The following CENPU variants were observed in gnomAD, a reference collection of about 807,000 sequenced individuals.
CENPU encodes centromere protein U.
In CENPU, 46 loss-of-function variants were observed where a neutral mutation model predicts 56.7. The observed-to-expected ratio is 0.81, with a 90% CI of 0.64 to 1.04. The LOEUF (loss-of-function observed/expected upper bound fraction) is 1.04, where lower values mean the gene tolerates loss of function less well. Among genes scored for constraint, CENPU ranks in the 50% least tolerant of loss-of-function variants. CENPU has a pLI of 0.00. For missense variants in CENPU, 510 were observed against 490.1 expected (o/e 1.04, Z -0.38); for synonymous variants, 166 against 163.0 (o/e 1.02, Z -0.14).
intron 3 of CENPU, among the ~76,000 whole-genome samples, chr4:184,728,284 C>G (rs1012510314): frequency 6.6e-6 from 1 of 152,132 alleles, no homozygotes; most frequent in African/African-American, 2.4e-5. Context: ...ATAATATTTT[C>G]TTTAAACAAA....
chr4:184,734,014 A>AC lies in CENPU; in HGVS notation c.47+1dup, dbSNP rs1482715266. On this transcript the variant is annotated splice_donor_variant, in intron 1 of 12. Coordinates refer to ENST00000281453, the MANE Select transcript of CENPU (RefSeq NM_024629.4). LOFTEE classifies it high-confidence loss of function. ...GCGCTCCCGAGGGTCGGCAGTACTTACCCCTCAGACCTGTGAGGCCGCGGC... is the reference window on the plus strand; with the variant it reads ...GCGCTCCCGAGGGTCGGCAGTACTTACCCCCTCAGACCTGTGAGGCCGCGGC... 3 of 1,605,376 alleles carry AC rather than the reference A, an allele frequency of 1.9e-6. No homozygotes were observed. Among genetic ancestry groups the AC allele is most frequent in the Non-Finnish European group, 2.5e-6 (3 of 1,177,366 alleles).
At position 184,702,387 on chromosome 4, in the gene CENPU, A is replaced by G; in HGVS notation, c.852T>C (p.Asn284=). 1 of 1,612,438 alleles carries G rather than the reference A, an allele frequency of 6.2e-7. No homozygotes were observed. The highest frequency in any genetic ancestry group is 1.1e-5 in the South Asian group (1 of 90,456). Residue 284 remains asparagine (N), a synonymous_variant, in exon 9 of 13, where the codon AAT becomes AAC. Coordinates refer to ENST00000281453, the MANE Select transcript of CENPU (RefSeq NM_024629.4). ...CKAAIATFYV[N]VKEQFIKMLK... ...CCATTTTGATGAATTGTTCTTTAAC[A>G]TTAACATAAAATGTGGCGATGGCTG...
Position 184,694,654 on chromosome 4 carries a change from G to C in CENPU, c.*634C>G, listed in dbSNP as rs1488687258. On this transcript the variant is annotated 3_prime_UTR_variant, in exon 13 of 13. Transcript: ENST00000281453. The stretch of plus-strand genomic sequence containing the variant: ...TGTCTGGGATAATGGCATTGATGAT[G>C]CTTATTTTTTAGAAGCTACTGAAGA... 1.9e-6 allele frequency: 3 copies of C among 1,614,046 alleles called. No individual in the cohort carries two copies. In the African/African-American group the frequency reaches 4.0e-5, roughly 22 times the overall value.
At chr4:184,730,475 A>G (rs1579800820) in intron 2 of CENPU, among the ~76,000 whole-genome samples, 1 of 149,618 alleles carries the variant, frequency 6.7e-6, no homozygotes, top group African/African-American at 2.5e-5. Flanking sequence ...AAGCCACTGG[A>G]AAAAAAAACT....
At chr4:184,698,432 T>C (rs1453398341) in intron 11 of CENPU, 1 of 152,210 alleles carries the variant, frequency 6.6e-6, no homozygotes, top group Non-Finnish European at 1.5e-5. Context: ...TTCTCTAATA[T>C]AATTTCATAA....
intron 7 of CENPU, 174 bp from the exon 8 acceptor site, chr4:184,710,354 C>T (rs1428466414): frequency 4.7e-6 from 2 of 424,994 alleles, no homozygotes; most frequent in Admixed American, 8.4e-5. Context: ...GTCTCGCAAA[C>T]CCCTACATAC....
intron 2 of CENPU, among the ~76,000 whole-genome samples, chr4:184,729,326 T>C (rs779527926): frequency 6.6e-6 from 1 of 152,188 alleles, no homozygotes; most frequent in African/African-American, 2.4e-5. Context: ...ACCTAAGGCA[T>C]GGATTGGCAA....
chr4:184,697,119 G>A (rs1363725924), intron 12 of CENPU, among the ~76,000 whole-genome samples: 3 of 151,958 alleles, frequency 2.0e-5, no homozygotes, highest in African/African-American at 7.3e-5. Flanking sequence ...TGGGCTCAAG[G>A]GATCTACTTG....
At chr4:184,716,654 C>T in intron 5 of CENPU, 21 bp from the exon 6 acceptor site, 2 of 1,546,182 alleles carry the variant, frequency 1.3e-6, no homozygotes, top group Non-Finnish European at 1.8e-6. Flanking sequence ...GAAAAAACAG[C>T]AGTACTTATG....
intron 11 of CENPU, 92 bp downstream of exon 11, chr4:184,700,728 A>C: frequency 9.0e-7 from 1 of 1,105,764 alleles, no homozygotes; most frequent in Non-Finnish European, 1.4e-6. Context: ...GGGCTTTAAT[A>C]CATCACAGCA....
chr4:184,718,440 C>A (rs557336802), intron 4 of CENPU, among the ~76,000 whole-genome samples: 1 of 152,352 alleles, frequency 6.6e-6, no homozygotes, highest in African/African-American at 2.4e-5. Context: ...CAAACTGGCA[C>A]AGGGGCCCTC....
intron 5 of CENPU, among the ~76,000 whole-genome samples, 164 bp downstream of exon 5, chr4:184,716,972 A>G (rs1416310100): frequency 2.0e-5 from 3 of 152,240 alleles, no homozygotes; most frequent in Non-Finnish European, 2.9e-5. Context: ...CTATAAAAGT[A>G]TATCCTAAAA....
chr4:184,727,415 A>T (rs1761495455), intron 3 of CENPU, among the ~76,000 whole-genome samples: 2 of 152,196 alleles, frequency 1.3e-5, no homozygotes, highest in Non-Finnish European at 2.9e-5. Flanking sequence ...TACACTTAAA[A>T]AAGGTTAATA....
intron 12 of CENPU, among the ~76,000 whole-genome samples, chr4:184,696,915 C>G (rs1760356463): frequency 6.9e-6 from 1 of 145,582 alleles, no homozygotes; most frequent in Non-Finnish European, 1.5e-5. Context: ...AAGTCTTGCT[C>G]TGTCACCCAG....
Position 184,694,870 on chromosome 4 carries a change from A to C in CENPU, c.*418T>G. On this transcript the variant is annotated 3_prime_UTR_variant, in exon 13 of 13. Transcript: ENST00000281453. ...ATATATCATTCAACCTGTTTATATA[A>C]ACTAAGTTTTATTACTTTGCTTTCC... The C allele has an allele frequency of 1.8e-6, 2 of 1,127,560 alleles. No homozygotes were observed. Among genetic ancestry groups the C allele is most frequent in the Non-Finnish European group, 2.5e-6 (2 of 799,846 alleles). 69.8% of individuals were successfully genotyped at this position (1,127,560 alleles called of 1,614,324 possible). A position where few individuals can be genotyped will look rare whatever the true frequency, so the allele number is the denominator to read the frequency against.
chr4:184,695,048 T>G lies in CENPU; in HGVS notation c.*240A>C. ...AGCTCATACCTGGGACCGATTAAGG[T>G]GTCAACATTTTAAAATTACTCAAGA... is the stretch of plus-strand genomic sequence containing the variant. On this transcript the variant is annotated 3_prime_UTR_variant, in exon 13 of 13. Coordinates refer to ENST00000281453, the MANE Select transcript of CENPU (RefSeq NM_024629.4). 3.7e-6 allele frequency: 2 copies of G among 533,670 alleles called. No homozygotes were observed. The highest frequency in any genetic ancestry group is 3.1e-5 in the East Asian group (1 of 32,766). The allele number at this position is 533,670 out of a possible 1,614,324, so 33.1% of individuals were successfully genotyped here.
intron 4 of CENPU, 144 bp from the exon 5 acceptor site, chr4:184,717,340 TG>T (rs1379507168): frequency 8.0e-6 from 5 of 628,352 alleles, no homozygotes; most frequent in African/African-American, 5.5e-5. Context: ...GCCACCTTCC[TG>T]GGTTTACTGC....
Position 184,694,787 on chromosome 4 carries a change from A to G in CENPU, c.*501T>C. ...GAAGTATTACAAGAGTAACTAATTC[A>G]CTATGAACACTTTTGTCACCAGGCT... On this transcript the variant is annotated 3_prime_UTR_variant, in exon 13 of 13. Transcript: ENST00000281453. 6.3e-7 allele frequency: 1 copy of G among 1,596,438 alleles called. No homozygotes were observed. The highest frequency in any genetic ancestry group is 8.6e-7 in the Non-Finnish European group (1 of 1,165,384).
chr4:184,695,787 G>GT (rs1187566749), intron 12 of CENPU, among the ~76,000 whole-genome samples: 1 of 152,148 alleles, frequency 6.6e-6, no homozygotes, highest in South Asian at 2.1e-4. Context: ...ACAGAAAACT[G>GT]TAAGACAGGT....
Sources: allele counts gnomAD v4.1 joint callset (sites outside exome capture counted in the v4.1 genomes callset), GRCh38; gene constraint gnomAD v4.1.1; transcripts MANE v1.5; gene names NCBI Gene and HGNC (gene_info 2026-07-23, HGNC 2026-07-21).